The following ARL3 variants were observed in gnomAD, a reference collection of about 807,000 sequenced individuals.
ARL3 encodes the protein ADP-ribosylation factor-like protein 3.
A neutral mutation model predicts 26.0 loss-of-function variants in ARL3; 9 were observed. The ratio of observed to expected loss-of-function variants is 0.35; its 90% CI spans 0.21 to 0.60. The LOEUF is 0.60. Ranked by LOEUF, ARL3 falls within the 20% of genes least tolerant of loss-of-function variation. The probability of loss-of-function intolerance (pLI) is 0.78; values close to 1 mark genes in which losing one functional copy is unlikely to be tolerated. For synonymous variants in ARL3, 71 were observed against 78.4 expected (o/e 0.91, Z 0.50); for missense variants, 158 against 215.7 (o/e 0.73, Z 1.67).
intron 5 of ARL3, among the ~76,000 whole-genome samples, chr10:102,684,371 G>C (rs1485426696): frequency 1.3e-5 from 2 of 151,854 alleles, no homozygotes; most frequent in Non-Finnish European, 2.9e-5. Context: ...GGATGGTCTC[G>C]ATCTCCTGAC....
At chr10:102,695,561 A>G (rs2136003374) in intron 3 of ARL3, among the ~76,000 whole-genome samples, 1 of 151,322 alleles carries the variant, frequency 6.6e-6, no homozygotes, top group East Asian at 1.9e-4. Flanking sequence ...TTTTGTTTTG[A>G]GACTCTTGTT....
intron 3 of ARL3, among the ~76,000 whole-genome samples, chr10:102,698,377 A>G (rs2064260937): frequency 6.6e-6 from 1 of 152,114 alleles, no homozygotes; most frequent in Admixed American, 6.6e-5. Context: ...CCTGGTCTAG[A>G]TGATTTCTAT....
At chr10:102,708,908 A>ATATATATATATTTTTTTT in intron 1 of ARL3, among the ~76,000 whole-genome samples, 7 of 95,324 alleles carry the variant, frequency 7.3e-5, no homozygotes, top group African/African-American at 2.9e-4. Flanking sequence ...ATATATATAT[A>ATATATATATATTTTTTTT]TTTTTTTTTT....
intron 3 of ARL3, among the ~76,000 whole-genome samples, chr10:102,698,598 G>A (rs1036982112): frequency 4.6e-5 from 7 of 152,112 alleles, no homozygotes; most frequent in Non-Finnish European, 7.4e-5. Flanking sequence ...AAGGAGGGCT[G>A]GTGAAGGAAC....
chr10:102,680,285 C>A (rs753237433), intron 5 of ARL3, among the ~76,000 whole-genome samples: 1 of 152,170 alleles, frequency 6.6e-6, no homozygotes, highest in Non-Finnish European at 1.5e-5. Context: ...ATTTTCTGTA[C>A]ATTTGATCTT....
At chr10:102,708,944 T>C (rs1324227354) in intron 1 of ARL3, among the ~76,000 whole-genome samples, 1 of 143,150 alleles carries the variant, frequency 7.0e-6, no homozygotes, top group African/African-American at 2.6e-5. Context: ...TCACTCCTAA[T>C]GCCAGGCTGG....
At chr10:102,685,753 T>G in intron 5 of ARL3, 63 bp downstream of exon 5, 88 of 1,498,190 alleles carry the variant, frequency 5.9e-5, no homozygotes, top group Non-Finnish European at 7.2e-5. Context: ...GCCCAACCAA[T>G]GAGACAGACC....
At position 102,705,463 on chromosome 10, in the gene ARL3, C is replaced by T. The variant is rs551012359; in HGVS notation, c.30G>A (p.Leu10=). The change falls in exon 2 of 6, where the codon TTG becomes TTA. Residue 10 remains leucine, a synonymous_variant. Coordinates refer to ENST00000260746, the MANE Select transcript of ARL3 (RefSeq NM_004311.4). The stretch of plus-strand genomic sequence containing the variant: ...TCACCTCCTGGTCTGGTGCACTTTT[C>T]AACTTGCGCAAAATTGAGAGCAAGC... MGLLSILRK[L]KSAPDQEVRI... The T allele has an allele frequency of 1.1e-5, 17 of 1,601,362 alleles. No individual in the cohort carries two copies. In the African/African-American group the frequency reaches 1.9e-4, roughly 18 times the overall value.
In ARL3 at chr10:102,714,306, C is replaced by G; in HGVS notation, c.-31G>C. 1 of 1,309,508 alleles carries G rather than the reference C, an allele frequency of 7.6e-7. No homozygotes were observed. The highest frequency in any genetic ancestry group is 9.8e-7 in the Non-Finnish European group (1 of 1,021,004). 81.1% of individuals were successfully genotyped at this position (1,309,508 alleles called of 1,614,324 possible). On this transcript the variant is annotated 5_prime_UTR_variant, in exon 1 of 6. Transcript: ENST00000260746. ...CGCCGAGTCCCTCCTCCTCCTCCTCCTCCTGCTGCCTCCCCCGTTACCAGG... is the reference window on the plus strand; with the variant it reads ...CGCCGAGTCCCTCCTCCTCCTCCTCGTCCTGCTGCCTCCCCCGTTACCAGG...
chr10:102,712,633 T>C (rs1013173373), intron 1 of ARL3, among the ~76,000 whole-genome samples: 2 of 152,198 alleles, frequency 1.3e-5, no homozygotes, highest in African/African-American at 2.4e-5. Flanking sequence ...AATTATAAAT[T>C]AAACAATCAT....
chr10:102,692,612 C>T (rs1259782183), intron 3 of ARL3, among the ~76,000 whole-genome samples: 20 of 152,136 alleles, frequency 1.3e-4, no homozygotes, highest in Admixed American at 1.0e-3. Flanking sequence ...GATGGGGTTT[C>T]GCCATGCTGG....
intron 3 of ARL3, among the ~76,000 whole-genome samples, chr10:102,693,551 TTTGAG>T (rs958520957): frequency 6.6e-6 from 1 of 152,246 alleles, no homozygotes; most frequent in Non-Finnish European, 1.5e-5. Flanking sequence ...ATTCTTGAGT[TTTGAG>T]TTATTTGTAT....
At chr10:102,714,198 G>A (rs1196285214) in intron 1 of ARL3, 75 bp downstream of exon 1, 2 of 1,306,830 alleles carry the variant, frequency 1.5e-6, no homozygotes, top group Non-Finnish European at 2.0e-6. Context: ...TTTAAGCGCA[G>A]TGCTCCGCCC....
intron 1 of ARL3, among the ~76,000 whole-genome samples, chr10:102,708,908 A>ATATATATATATATATATATATT: frequency 1.4e-4 from 13 of 95,316 alleles, no homozygotes; most frequent in African/African-American, 4.2e-4. Flanking sequence ...ATATATATAT[A>ATATATATATATATATATATATT]TTTTTTTTTT....
At chr10:102,694,627 CAGAG>C (rs1435399000) in intron 3 of ARL3, among the ~76,000 whole-genome samples, 3 of 151,994 alleles carry the variant, frequency 2.0e-5, no homozygotes, top group Non-Finnish European at 4.4e-5. Flanking sequence ...GTTCTTTTGT[CAGAG>C]AGAGTGGGCC....
intron 4 of ARL3, among the ~76,000 whole-genome samples, chr10:102,687,935 G>T (rs2064196181): frequency 6.6e-6 from 1 of 151,860 alleles, no homozygotes; most frequent in South Asian, 2.1e-4. Flanking sequence ...GCGTGTGTGT[G>T]TGTGTATGTG....
chr10:102,682,255 T>C (rs2064159080), intron 5 of ARL3, among the ~76,000 whole-genome samples: 1 of 152,044 alleles, frequency 6.6e-6, no homozygotes. Context: ...ACAACAGAGT[T>C]TCTGAGATTG....
At position 102,705,427 on chromosome 10, in the gene ARL3, G is replaced by A. The variant is rs777881668; in HGVS notation, c.66C>T (p.Leu22=). The change falls in exon 2 of 6, where the codon CTC becomes CTT. Residue 22 remains leucine (L), a synonymous_variant. Coordinates refer to ENST00000260746, the MANE Select transcript of ARL3 (RefSeq NM_004311.4). ...SAPDQEVRIL[L]LGLDNAGKTT... ...TCTTGCCAGCATTATCCAAGCCCAG[G>A]AGAAGTATTCTCACCTCCTGGTCTG... 2.5e-6 allele frequency: 4 copies of A among 1,611,950 alleles called. No homozygotes were observed. The highest frequency in any genetic ancestry group is 1.1e-5 in the South Asian group (1 of 90,916).
At chr10:102,705,577 G>GT in intron 1 of ARL3, 88 bp from the exon 2 acceptor site, 1 of 1,291,740 alleles carries the variant, frequency 7.7e-7, no homozygotes, top group East Asian at 2.6e-5. Context: ...CTTGAAAAAA[G>GT]TTATTGGTTA....
Sources: allele counts gnomAD v4.1 joint callset (sites outside exome capture counted in the v4.1 genomes callset), GRCh38; gene constraint gnomAD v4.1.1; transcripts MANE v1.5; gene names NCBI Gene and HGNC (gene_info 2026-07-23, HGNC 2026-07-21).